The following DMTN variants were observed in gnomAD, a reference collection of about 807,000 sequenced individuals.
DMTN encodes dematin actin binding protein.
Under a neutral mutation model 59.4 loss-of-function variants are expected in DMTN, and 27 were observed. The observed-to-expected ratio is 0.45, with a 90% CI of 0.33 to 0.63. The LOEUF (loss-of-function observed/expected upper bound fraction) is 0.63. Among genes scored for constraint, DMTN ranks in the 20% least tolerant of loss-of-function variants. The pLI, the probability that DMTN is intolerant of heterozygous loss-of-function variation, is 0.02. For synonymous variants in DMTN, 221 were observed against 203.7 expected (o/e 1.08, Z -0.72); for missense variants, 451 against 528.9 (o/e 0.85, Z 1.45).
In DMTN at chr8:22,070,709, T is replaced by C. The variant is rs112724003; in HGVS notation, c.604+375T>C. Among the ~76,000 whole-genome samples the C allele has an allele frequency of 5.1e-4, 77 of 152,346 alleles. No individual in the cohort carries two copies. The Middle Eastern group carries it at 0.01, about 20-fold the overall frequency. ...TTTTTATTTTTATCCATTTATGGGGTACAGGTGTAATTGGTTACCTGCATA... is the reference window on the plus strand; with the variant it reads ...TTTTTATTTTTATCCATTTATGGGGCACAGGTGTAATTGGTTACCTGCATA... On this transcript the variant is annotated intron_variant, in intron 8 of 15. Transcript: ENST00000358242.
chr8:22,054,103 T>TACACACACACAC (rs71916677), upstream of DMTN, among the ~76,000 whole-genome samples: 354 of 148,426 alleles, frequency 2.4e-3, 2 homozygotes, highest in East Asian at 6.7e-3. Context: ...CCACCACCAA[T>TACACACACACAC]ACACACACAC....
At chr8:22,076,876 G>A (rs1820252056) in intron 10 of DMTN, among the ~76,000 whole-genome samples, 2 of 152,068 alleles carry the variant, frequency 1.3e-5, no homozygotes, top group Non-Finnish European at 2.9e-5. Context: ...TGTGGGATGG[G>A]AACTTGGATC....
At chr8:22,078,983 C>T (rs1340128496) in intron 10 of DMTN, among the ~76,000 whole-genome samples, 3 of 150,914 alleles carry the variant, frequency 2.0e-5, no homozygotes, top group Non-Finnish European at 4.4e-5. Context: ...TATTTTTAGT[C>T]GAGACGGGGT....
rs752623098 is a variant in DMTN at position 22,081,922 on chromosome 8, G to C, written c.*459G>C. ...CTCCTGACAGCTTTCCTGCACTGCA[G>C]CCTCCTGCTCCTCTGACTCTAGTGG... On this transcript the variant is annotated 3_prime_UTR_variant, in exon 16 of 16. Coordinates refer to ENST00000358242, the MANE Select transcript of DMTN (RefSeq NM_001387751.1). 1.6e-5 allele frequency: 7 copies of C among 450,650 alleles called. No homozygotes were observed. Among genetic ancestry groups the C allele is most frequent in the Middle Eastern group, 3.2e-4 (1 of 3,096 alleles). The allele number at this position is 450,650 out of a possible 1,614,324, so 27.9% of individuals were successfully genotyped here.
In DMTN at chr8:22,069,435, G is replaced by A. The variant is rs145460473; in HGVS notation, c.311G>A (p.Arg104Gln). The change falls in exon 6 of 16, where the codon CGG becomes CAG. Residue 104 changes from arginine (R) to glutamine (Q), a missense_variant. Physicochemically the swap from Arg to Gln is conservative, Grantham distance 43 (BLOSUM62 1). Transcript: ENST00000358242. ...GCTCTGCAGGTGTGGGCGGACAGCC[G>A]GTCGCCTGGAATCATCTCTCAGGCC... is the stretch of plus-strand genomic sequence containing the variant. ...PPSPEVWADSRSPGIISQASA... is the reference protein window; with the variant it reads ...PPSPEVWADSQSPGIISQASA... The A allele has an allele frequency of 7.4e-6, 12 of 1,612,700 alleles. No individual in the cohort carries two copies. The highest frequency in any genetic ancestry group is 3.3e-5 in the South Asian group (3 of 90,936).
upstream of DMTN, among the ~76,000 whole-genome samples, chr8:22,051,523 G>C (rs910091146): frequency 6.6e-6 from 1 of 152,050 alleles, no homozygotes; most frequent in South Asian, 2.1e-4. Flanking sequence ...GCAAAGAACC[G>C]TTTCTCCTTA....
rs1586244700 is a variant in DMTN at position 22,080,812 on chromosome 8, A to G, written c.965A>G (p.Glu322Gly). ...ETGSPGLQNG[E>G]GQRGRMDRGN... ...CGGCTTTGGTCTCCCCAGAACGGAG[A>G]GGGCCAGAGGGGGAGGATGGACCGG... The change falls in exon 14 of 16, where the codon GAG becomes GGG. Residue 322 changes from glutamate (E) to glycine (G), a missense_variant. Transcript: ENST00000358242. 6.2e-6 allele frequency: 10 copies of G among 1,603,346 alleles called. No homozygotes were observed. The highest frequency in any genetic ancestry group is 8.5e-6 in the Non-Finnish European group (10 of 1,173,328).
upstream of DMTN, among the ~76,000 whole-genome samples, chr8:22,050,572 CTG>C (rs1801246740): frequency 6.6e-6 from 1 of 151,818 alleles, no homozygotes; most frequent in African/African-American, 2.4e-5. Context: ...CGACAGGCCT[CTG>C]GGGGCTGGCT....
Position 22,081,366 on chromosome 8 carries a change from A to G in DMTN, c.1121A>G (p.Glu374Gly), listed in dbSNP as rs1158821092. 1.2e-6 allele frequency: 2 copies of G among 1,613,992 alleles called. No individual in the cohort carries two copies. The highest frequency in any genetic ancestry group is 1.7e-6 in the Non-Finnish European group (2 of 1,179,938). The change falls in exon 16 of 16, where the codon GAG (glutamate) becomes GGG (glycine). Residue 374 changes from glutamate (E) to glycine (G), a missense_variant. Glu to Gly is a moderately conservative substitution (Grantham distance 98). Transcript: ENST00000358242. ...RMRLERHLSA[E>G]DFSRVFAMSP... The stretch of plus-strand genomic sequence containing the variant: ...CCCATGTAGAGGCATCTGTCTGCCG[A>G]GGACTTCTCAAGGGTATTTGCCATG...
At chr8:22,071,610 C>T (rs1377804017) in intron 8 of DMTN, among the ~76,000 whole-genome samples, 4 of 151,306 alleles carry the variant, frequency 2.6e-5, no homozygotes, top group Admixed American at 1.3e-4. Flanking sequence ...GACAGAGTCT[C>T]GCTCTGTCAC....
Position 22,060,969 on chromosome 8 carries a change from A to G in DMTN, c.-172+3833A>G, listed in dbSNP as rs1048160565. Among the ~76,000 whole-genome samples, 3 of 152,218 alleles carry G rather than the reference A, an allele frequency of 2.0e-5. No individual in the cohort carries two copies. The highest frequency in any genetic ancestry group is 7.2e-5 in the African/African-American group (3 of 41,448). Reference sequence around the variant, plus strand: ...AGCCAACCCACAAGATTGGAATGTAAGGGTTAAATTGAAACAAAGATGGGC... The same window carrying G: ...AGCCAACCCACAAGATTGGAATGTAGGGGTTAAATTGAAACAAAGATGGGC... On this transcript the variant is annotated intron_variant, in intron 1 of 15. Transcript: ENST00000358242. This position sits in a 1 kb window ranked among gnomAD's most constrained non-coding sequence, Gnocchi z 5.0.
chr8:22,069,663 A>G (rs935913911), intron 6 of DMTN, 145 bp downstream of exon 6: 6 of 881,244 alleles, frequency 6.8e-6, no homozygotes, highest in Non-Finnish European at 1.0e-5. Flanking sequence ...CCCCTCCCAG[A>G]GATGGGAGAC....
At chr8:22,053,323 T>A (rs556269019), upstream of DMTN, among the ~76,000 whole-genome samples, 1 of 152,292 alleles carries the variant, frequency 6.6e-6, no homozygotes, top group South Asian at 2.1e-4. Flanking sequence ...CTCTAGGGTC[T>A]GGGCAGCAGA....
At position 22,081,534 on chromosome 8, in the gene DMTN, G is replaced by C; in HGVS notation, c.*71G>C. The C allele has an allele frequency of 3.6e-6, 5 of 1,406,170 alleles. No individual in the cohort carries two copies. The highest frequency in any genetic ancestry group is 5.0e-6 in the Non-Finnish European group (5 of 994,274). 87.1% of individuals were successfully genotyped at this position (1,406,170 alleles called of 1,614,324 possible). On this transcript the variant is annotated 3_prime_UTR_variant, in exon 16 of 16. Transcript: ENST00000358242. Reference sequence around the variant, plus strand: ...AGGGTTTTTCCCCGGCGGGTTGGGAGGGGCAGGAGGTGGGGTGGAAATAGG... The same window carrying C: ...AGGGTTTTTCCCCGGCGGGTTGGGACGGGCAGGAGGTGGGGTGGAAATAGG...
At chr8:22,069,219 C>G (rs1037862024) in intron 5 of DMTN, 159 bp downstream of exon 5, 2 of 958,094 alleles carry the variant, frequency 2.1e-6, no homozygotes, top group Admixed American at 2.8e-5. Context: ...ATCATTCTGT[C>G]GGACCCAGGA....
At chr8:22,073,402 G>T (rs1817220445) in intron 9 of DMTN, among the ~76,000 whole-genome samples, 1 of 152,016 alleles carries the variant, frequency 6.6e-6, no homozygotes, top group South Asian at 2.1e-4. Context: ...GAGGCAGGAG[G>T]ATCACTTGAG....
chr8:22,069,421 G>A lies in DMTN; in HGVS notation c.297G>A (p.Val99=), dbSNP rs1291825770. The change falls in exon 6 of 16, where the codon GTG becomes GTA. Residue 99 remains valine, a splice_region_variant and synonymous_variant. Coordinates refer to ENST00000358242, the MANE Select transcript of DMTN (RefSeq NM_001387751.1). ...KSTSPPPSPE[V]WADSRSPGII... ...AGCCACACGCTTCTGCTCTGCAGGT[G>A]TGGGCGGACAGCCGGTCGCCTGGAA... 6.8e-6 allele frequency: 11 copies of A among 1,612,672 alleles called. No homozygotes were observed. The highest frequency in any genetic ancestry group is 2.2e-5 in the South Asian group (2 of 90,950).
At position 22,078,767 on chromosome 8, in the gene DMTN, C is replaced by T. The variant is rs185430734; in HGVS notation, c.836-1413C>T. Among the ~76,000 whole-genome samples, 174 of 145,242 alleles carry T rather than the reference C, an allele frequency of 1.2e-3. 3 individuals carry two copies. The highest frequency in any genetic ancestry group is 4.3e-3 in the African/African-American group (170 of 39,460). On this transcript the variant is annotated intron_variant, in intron 10 of 15. Coordinates refer to ENST00000358242, the MANE Select transcript of DMTN (RefSeq NM_001387751.1). ...CAATCCCCAGTGACAGTGCTTAGAA[C>T]ATGACTCTTTCTGTAGTATAATGTC...
At chr8:22,051,784 C>A (rs1414098747), upstream of DMTN, among the ~76,000 whole-genome samples, 1 of 152,188 alleles carries the variant, frequency 6.6e-6, no homozygotes, top group Non-Finnish European at 1.5e-5. Flanking sequence ...CTCCCTACAT[C>A]ATCTCTGTGC....
Sources: gnomAD v4.1 joint callset for allele counts (sites outside exome capture counted in the v4.1 genomes callset) on GRCh38, gnomAD v4.1.1 for gene constraint, Gnocchi (gnomAD v3.1) non-coding constraint, MANE v1.5 for transcripts, NCBI Gene and HGNC (gene_info 2026-07-23, HGNC 2026-07-21) for gene names.